Variants in LEF1 observed in about 807,000 individuals in gnomAD.
LEF1 encodes lymphoid enhancer-binding factor 1.
In LEF1, 14 loss-of-function variants were observed where a neutral mutation model predicts 51.2. That is an observed-to-expected ratio of 0.27 (90% confidence interval 0.18 to 0.43). LEF1 has a LOEUF of 0.43. Ranked by LOEUF, LEF1 falls within the 20% of genes least tolerant of loss-of-function variation. The pLI is 1.00. For missense variants in LEF1, 386 were observed against 512.0 expected (o/e 0.75, Z 2.37); for synonymous variants, 185 against 183.2 (o/e 1.01, Z -0.08).
intron 8 of LEF1, 171 bp from the exon 9 acceptor site, chr4:108,070,941 G>C (rs1738438540): frequency 1.8e-6 from 1 of 556,170 alleles, no homozygotes; most frequent in Non-Finnish European, 3.2e-6. Context: ...GAGTCTAGTG[G>C]CTACAGTGAA....
intron 3 of LEF1, among the ~76,000 whole-genome samples, chr4:108,147,185 T>C (rs560984755): frequency 1.3e-5 from 2 of 152,132 alleles, no homozygotes; most frequent in Admixed American, 6.5e-5. Context: ...CAGGGATACA[T>C]GGCTAGTCAA....
intron 3 of LEF1, among the ~76,000 whole-genome samples, chr4:108,155,171 A>G (rs73839840): frequency 0.014 from 2,108 of 152,306 alleles, 41 homozygotes; most frequent in African/African-American, 0.049. Flanking sequence ...AACCAAAAAC[A>G]TATTCTTACC....
At chr4:108,106,371 A>G (rs1233523143) in intron 3 of LEF1, among the ~76,000 whole-genome samples, 2 of 152,196 alleles carry the variant, frequency 1.3e-5, no homozygotes, top group Non-Finnish European at 1.5e-5. Context: ...AAGGAAGGGA[A>G]GAAGACAGTA....
At chr4:108,059,409 C>G (rs931244856) in intron 11 of LEF1, among the ~76,000 whole-genome samples, 1 of 152,192 alleles carries the variant, frequency 6.6e-6, no homozygotes, top group African/African-American at 2.4e-5. Context: ...CCTTGAACTC[C>G]TAGGTCCAAG....
At position 108,167,959 on chromosome 4, in the gene LEF1, A is replaced by C; in HGVS notation, c.-192T>G. 3.4e-6 allele frequency: 1 copy of C among 297,416 alleles called. No individual in the cohort carries two copies. Among genetic ancestry groups the C allele is most frequent in the Non-Finnish European group, 6.0e-6 (1 of 165,726 alleles). The allele number at this position is 297,416 out of a possible 1,614,324, so 18.4% of individuals were successfully genotyped here. ...CCGGAGCAGCTGCCGCGGCGCCCGA[A>C]TCCCGGCGGCCGCCGCGCTTTCCCG... On this transcript the variant is annotated 5_prime_UTR_variant, in exon 1 of 12. Transcript: ENST00000265165. This position sits in a 1 kb window ranked among gnomAD's most constrained non-coding sequence, Gnocchi z 5.7.
At chr4:108,138,745 T>C (rs1047171429) in intron 3 of LEF1, among the ~76,000 whole-genome samples, 2 of 152,206 alleles carry the variant, frequency 1.3e-5, no homozygotes, top group Non-Finnish European at 2.9e-5. Context: ...TATATGAGAA[T>C]AGAAGAGCTG....
intron 11 of LEF1, among the ~76,000 whole-genome samples, chr4:108,063,384 T>C (rs547138790): frequency 3.3e-5 from 5 of 152,002 alleles, no homozygotes; most frequent in Non-Finnish European, 5.9e-5. Flanking sequence ...GGAAAGGAAA[T>C]GGAGGAAGAA....
chr4:108,161,814 G>A (rs1245780834), intron 3 of LEF1, among the ~76,000 whole-genome samples: 2 of 152,092 alleles, frequency 1.3e-5, no homozygotes, highest in Non-Finnish European at 2.9e-5. Context: ...ACGTAAGGCT[G>A]TTTTGTGGCT....
intron 8 of LEF1, chr4:108,075,321 TC>T (rs1395055010): frequency 6.6e-6 from 1 of 152,198 alleles, no homozygotes; most frequent in Non-Finnish European, 1.5e-5. Context: ...GGACTGGAAA[TC>T]TCCTAAATGT....
chr4:108,117,229 C>A (rs1403667734), intron 3 of LEF1, among the ~76,000 whole-genome samples: 1 of 151,736 alleles, frequency 6.6e-6, no homozygotes, highest in Non-Finnish European at 1.5e-5. Context: ...CTCCATTATA[C>A]CTTCACATAT....
rs988227985 is a variant in LEF1, at chr4:108,118,220, T to C, written c.415-28963A>G. On this transcript the variant is annotated intron_variant, in intron 3 of 11. Transcript: ENST00000265165. ...TTATTTTTATTTCCATTGCATTGTTTTCTAAAAGATGAGCTTATTAATACT... is the reference window on the plus strand; with the variant it reads ...TTATTTTTATTTCCATTGCATTGTTCTCTAAAAGATGAGCTTATTAATACT... Among the ~76,000 whole-genome samples, 6 of 152,236 alleles carry C rather than the reference T, an allele frequency of 3.9e-5. 1 individual carries two copies. The highest frequency in any genetic ancestry group is 8.8e-5 in the Non-Finnish European group (6 of 68,034).
chr4:108,115,005 G>A (rs116600462), intron 3 of LEF1, among the ~76,000 whole-genome samples: 2 of 152,178 alleles, frequency 1.3e-5, no homozygotes, highest in Non-Finnish European at 2.9e-5. Context: ...CATCCGAATT[G>A]TGCTCCCACT....
chr4:108,113,560 A>C (rs1741656734), intron 3 of LEF1, among the ~76,000 whole-genome samples: 1 of 152,206 alleles, frequency 6.6e-6, no homozygotes, highest in Non-Finnish European at 1.5e-5. Context: ...GCCGCAGATC[A>C]CAGCACCCTA....
chr4:108,086,067 T>C (rs893468401), intron 4 of LEF1, among the ~76,000 whole-genome samples: 3 of 152,344 alleles, frequency 2.0e-5, no homozygotes, highest in Non-Finnish European at 4.4e-5. Context: ...CCACTTGGCA[T>C]GTACATGCAA....
chr4:108,145,058 T>C (rs888709615), intron 3 of LEF1, among the ~76,000 whole-genome samples: 1 of 152,224 alleles, frequency 6.6e-6, no homozygotes, highest in Non-Finnish European at 1.5e-5. Flanking sequence ...TCCCACATCA[T>C]ACAAAGAATA....
rs140529186 is a variant in LEF1 at position 108,081,603 on chromosome 4, G to A, written c.705C>T (p.Val235=). Residue 235 remains valine, a synonymous_variant, in exon 6 of 12, where the codon GTC becomes GTT. Transcript: ENST00000265165. Reference sequence around the variant, plus strand: ...CCACCTACCTGGACATGGAAGTGTCGACTGACAGTGAGGATGGGTAGGGTT... The same window carrying A: ...CCACCTACCTGGACATGGAAGTGTCAACTGACAGTGAGGATGGGTAGGGTT... The part of the protein sequence containing the change: ...FRQPYPSSLS[V]DTSMSRFSHH... 14 of 1,613,916 alleles carry A rather than the reference G, an allele frequency of 8.7e-6. No individual in the cohort carries two copies. Among genetic ancestry groups the A allele is most frequent in the South Asian group, 5.5e-5 (5 of 91,054 alleles).
chr4:108,076,614 G>A lies in LEF1; in HGVS notation c.1008+1606C>T, dbSNP rs7665911. On this transcript the variant is annotated intron_variant, in intron 8 of 11. Coordinates refer to ENST00000265165, the MANE Select transcript of LEF1 (RefSeq NM_016269.5). ...GCTGGTCTTGAACTCCTGACCTCAGGTGATCTGCCTGCCTCGGCCTCTCAA... is the reference window on the plus strand; with the variant it reads ...GCTGGTCTTGAACTCCTGACCTCAGATGATCTGCCTGCCTCGGCCTCTCAA... Among the ~76,000 whole-genome samples the A allele has an allele frequency of 8.5e-3, 1,299 of 152,272 alleles. 16 individuals are homozygous for A. The highest frequency in any genetic ancestry group is 0.028 in the African/African-American group (1,179 of 41,542).
rs373046133 is a variant in LEF1 at position 108,089,225 on chromosome 4, A to G, written c.447T>C (p.His149=). Residue 149 remains histidine, a synonymous_variant, in exon 4 of 12, where the codon CAT becomes CAC. Transcript: ENST00000265165. ...TGAGGGGGGTGAGAGGATGGACCGC[A>G]TGGGATGGCTGCACCACGGGCACTT... ...SNKVPVVQPS[H]AVHPLTPLIT... is the part of the protein sequence containing the mutation. 2 of 1,613,988 alleles carry G rather than the reference A, an allele frequency of 1.2e-6. No individual in the cohort carries two copies. Among genetic ancestry groups the G allele is most frequent in the Non-Finnish European group, 1.7e-6 (2 of 1,179,984 alleles).
intron 3 of LEF1, among the ~76,000 whole-genome samples, chr4:108,128,697 C>T (rs1008927939): frequency 2.6e-4 from 40 of 151,952 alleles, no homozygotes; most frequent in African/African-American, 2.7e-4. Context: ...AAAAGATAAT[C>T]GGTATGAACC....
Sources: gnomAD v4.1 joint callset for allele counts (sites outside exome capture counted in the v4.1 genomes callset) on GRCh38, gnomAD v4.1.1 for gene constraint, Gnocchi (gnomAD v3.1) non-coding constraint, MANE v1.5 for transcripts, NCBI Gene and HGNC (gene_info 2026-07-23, HGNC 2026-07-21) for gene names.